PARP14: variants seen among roughly 807,000 people sequenced by gnomAD.
The protein encoded by PARP14 is protein mono-ADP-ribosyltransferase PARP14.
In PARP14, 59 loss-of-function variants were observed where a neutral mutation model predicts 154.2. The ratio of observed to expected loss-of-function variants is 0.38; its 90% CI spans 0.31 to 0.48. The LOEUF is 0.48. PARP14 is among the 20% of genes least tolerant of loss of function. The pLI is 0.98. For missense variants in PARP14, 1,734 were observed against 2,131.6 expected (o/e 0.81, Z 3.67); for synonymous variants, 720 against 780.5 (o/e 0.92, Z 1.29).
intron 10 of PARP14, 125 bp from the exon 11 acceptor site, chr3:122,713,747 A>G (rs945287797): frequency 1.2e-6 from 1 of 864,058 alleles, no homozygotes; most frequent in Non-Finnish European, 1.9e-6. Flanking sequence ...CTTCTTTGTC[A>G]TCAGCAATAC....
intron 9 of PARP14, among the ~76,000 whole-genome samples, chr3:122,710,834 TA>T (rs1939301736): frequency 6.7e-6 from 1 of 149,364 alleles, no homozygotes; most frequent in Non-Finnish European, 1.5e-5. Context: ...TTTATTTATT[TA>T]TTTATTTTTG....
intron 4 of PARP14, among the ~76,000 whole-genome samples, chr3:122,694,010 G>A (rs1468460746): frequency 6.6e-6 from 1 of 152,170 alleles, no homozygotes; most frequent in Non-Finnish European, 1.5e-5. Flanking sequence ...TCAGAATCTT[G>A]AATGCTTAAT....
Position 122,681,102 on chromosome 3 carries a change from G to A in PARP14, c.187+32G>A. 2 of 1,538,484 alleles carry A rather than the reference G, an allele frequency of 1.3e-6. No individual in the cohort carries two copies. The highest frequency in any genetic ancestry group is 1.8e-6 in the Non-Finnish European group (2 of 1,114,546). ...GGCGCGAGGGGTGGGGTGAGGAGGG[G>A]GCACCTCTGCCCTCCCTCCAGGGAA... On this transcript the variant is annotated intron_variant, in intron 1 of 16. Transcript: ENST00000474629. This position sits in a 1 kb window ranked among gnomAD's most constrained non-coding sequence, Gnocchi z 5.5.
chr3:122,692,564 C>T (rs748595143), intron 4 of PARP14, 21 bp downstream of exon 4: 3 of 1,588,182 alleles, frequency 1.9e-6, no homozygotes, highest in East Asian at 4.5e-5. Flanking sequence ...GTGACACTTC[C>T]TCTGCCTGTC....
chr3:122,703,003 AAAAAAAACAAAAAAAAAAAACAAAAAAC>A (rs1399122786), intron 6 of PARP14, among the ~76,000 whole-genome samples: 16 of 132,884 alleles, frequency 1.2e-4, no homozygotes, highest in African/African-American at 4.1e-4. Flanking sequence ...TAAAAAAAAA[AAAAAAAACAAAAAAAAAAAACAAAAAAC>A]AAAAAACAGT....
intron 12 of PARP14, among the ~76,000 whole-genome samples, chr3:122,715,958 C>A (rs1393078499): frequency 1.3e-5 from 2 of 152,232 alleles, no homozygotes; most frequent in Non-Finnish European, 2.9e-5. Flanking sequence ...CCTGTTGTTT[C>A]TTCCACTGAC....
In PARP14 at chr3:122,720,738, T is replaced by C. The variant is rs569035033; in HGVS notation, c.4941+350T>C. On this transcript the variant is annotated intron_variant, in intron 15 of 16. Transcript: ENST00000474629. Reference sequence around the variant, plus strand: ...GCAGAGGCTCCTTAGATCAGGACCATGTTACTCTGCCCCATTATTCACAGA... The same window carrying C: ...GCAGAGGCTCCTTAGATCAGGACCACGTTACTCTGCCCCATTATTCACAGA... 17 of 463,968 alleles carry C rather than the reference T, an allele frequency of 3.7e-5. No homozygotes were observed. The East Asian group carries it at 1.0e-3, about 28-fold the overall frequency. 28.7% of individuals were successfully genotyped at this position (463,968 alleles called of 1,614,324 possible).
chr3:122,685,472 G>A (rs1271599250), intron 2 of PARP14, among the ~76,000 whole-genome samples, 154 bp downstream of exon 2: 1 of 151,916 alleles, frequency 6.6e-6, no homozygotes, highest in African/African-American at 2.4e-5. Flanking sequence ...GAGGGCAGTG[G>A]TAGGGTAGGG....
intron 4 of PARP14, among the ~76,000 whole-genome samples, chr3:122,695,185 G>A (rs1938733472): frequency 6.6e-6 from 1 of 152,172 alleles, no homozygotes; most frequent in South Asian, 2.1e-4. Context: ...GAGGTCTGGG[G>A]CAGGAAGTGG....
In PARP14 at chr3:122,687,123, C is replaced by T; in HGVS notation, c.355+10C>T. ...GATGTTAAAGAACCAGGTAAAATCTCAGTTGAGATGACTCTGACATTCACC... is the reference window on the plus strand; with the variant it reads ...GATGTTAAAGAACCAGGTAAAATCTTAGTTGAGATGACTCTGACATTCACC... On this transcript the variant is annotated intron_variant, in intron 3 of 16. Coordinates refer to ENST00000474629, the MANE Select transcript of PARP14 (RefSeq NM_017554.3). The T allele has an allele frequency of 2.5e-6, 4 of 1,586,828 alleles. No individual in the cohort carries two copies. In the South Asian group the frequency reaches 4.5e-5, roughly 18 times the overall value.
At position 122,730,264 on chromosome 3, in the gene PARP14, C is replaced by T. The variant is rs1933393765; in HGVS notation, c.*1667C>T. 6.6e-6 allele frequency: 1 copy of T among 152,356 alleles called. No individual in the cohort carries two copies. The highest frequency in any genetic ancestry group is 1.9e-4 in the East Asian group (1 of 5,194). 9.4% of individuals were successfully genotyped at this position (152,356 alleles called of 1,614,324 possible). ...GGCCTCTAGATTAATGCCACCGATT[C>T]AGGAACACCTCCGACAGTCTTGAAA... On this transcript the variant is annotated 3_prime_UTR_variant, in exon 17 of 17. Transcript: ENST00000474629.
chr3:122,699,958 G>A lies in PARP14; in HGVS notation c.1404G>A (p.Lys468=). The A allele has an allele frequency of 6.2e-7, 1 of 1,613,770 alleles. No individual in the cohort carries two copies. Among genetic ancestry groups the A allele is most frequent in the Non-Finnish European group, 8.5e-7 (1 of 1,179,744 alleles). Residue 468 remains lysine, a synonymous_variant, in exon 6 of 17, where the codon AAG becomes AAA. Transcript: ENST00000474629. ...QKIKREEQSL[K]EKMIISPGRY... ...TTAAAAGGGAAGAGCAAAGTTTGAA[G>A]GAAAAAATGATCATTTCTCCAGGCA...
At chr3:122,708,324 T>C (rs954805737) in intron 9 of PARP14, 56 bp downstream of exon 9, 31 of 899,050 alleles carry the variant, frequency 3.4e-5, no homozygotes, top group East Asian at 5.3e-5. Flanking sequence ...TAACTGTTCA[T>C]TGGCAGGTAA....
intron 3 of PARP14, among the ~76,000 whole-genome samples, chr3:122,691,225 A>G (rs939254479): frequency 6.6e-6 from 1 of 152,134 alleles, no homozygotes; most frequent in Non-Finnish European, 1.5e-5. Flanking sequence ...TTTCTTAACT[A>G]ATGTTTTTTT....
chr3:122,702,671 A>G (rs1265193656), intron 6 of PARP14, among the ~76,000 whole-genome samples: 4 of 152,226 alleles, frequency 2.6e-5, no homozygotes, highest in African/African-American at 9.6e-5. Flanking sequence ...TGGTAGAGCC[A>G]GGATTGGAAT....
intron 15 of PARP14, chr3:122,721,275 A>C: frequency 5.4e-6 from 1 of 186,078 alleles, no homozygotes; most frequent in Non-Finnish European, 1.1e-5. Flanking sequence ...TCTAGAACAT[A>C]CTCCCAGTGG....
In PARP14 at chr3:122,714,288, A is replaced by G; in HGVS notation, c.3859A>G (p.Ile1287Val). The change falls in exon 12 of 17, where the codon ATC becomes GTC. Residue 1287 changes from isoleucine to valine, a missense_variant. This residue lies in a region of PARP14 where 1,646 missense variants were observed against 1,976.0 expected (regional missense o/e 0.83). Coordinates refer to ENST00000474629, the MANE Select transcript of PARP14 (RefSeq NM_017554.3). ...TCAGCAGCGCAAAAATGATTATATA[A>G]TCACCGGAGGTGGATTTTTGAGGTG... ...QAQQRKNDYI[I>V]TGGGFLRCKN... 2 of 1,598,402 alleles carry G rather than the reference A, an allele frequency of 1.3e-6. No homozygotes were observed. The highest frequency in any genetic ancestry group is 1.7e-6 in the Non-Finnish European group (2 of 1,175,790).
At position 122,730,520 on chromosome 3, in the gene PARP14, G is replaced by C. The variant is rs1933398614; in HGVS notation, c.*1923G>C. ...ACAGTTGCTGCTTCATTAACATAGA[G>C]GTTTTGGATTTTTTTCTCTTGTGGT... is the stretch of plus-strand genomic sequence containing the variant. On this transcript the variant is annotated 3_prime_UTR_variant, in exon 17 of 17. Coordinates refer to ENST00000474629, the MANE Select transcript of PARP14 (RefSeq NM_017554.3). The C allele has an allele frequency of 6.6e-6, 1 of 152,232 alleles. No individual in the cohort carries two copies. The allele number at this position is 152,232 out of a possible 1,614,324, so 9.4% of individuals were successfully genotyped here. A position where few individuals can be genotyped will look rare whatever the true frequency, so the allele number is the denominator to read the frequency against.
intron 12 of PARP14, among the ~76,000 whole-genome samples, chr3:122,714,849 C>T (rs1247260304): frequency 6.6e-6 from 1 of 152,200 alleles, no homozygotes; most frequent in Non-Finnish European, 1.5e-5. Context: ...ACAACTTCCA[C>T]CTCACTCTAG....
Sources: allele counts gnomAD v4.1 joint callset (sites outside exome capture counted in the v4.1 genomes callset), GRCh38; gene constraint gnomAD v4.1.1; regional missense constraint gnomAD v4.1.1; non-coding constraint Gnocchi (gnomAD v3.1); transcripts MANE v1.5; gene names NCBI Gene and HGNC (gene_info 2026-07-23, HGNC 2026-07-21).